TNRC6A: variants seen among roughly 807,000 people sequenced by gnomAD.
TNRC6A encodes the protein trinucleotide repeat-containing gene 6A protein.
In TNRC6A, 44 loss-of-function variants were observed where a neutral mutation model predicts 221.2. That is an observed-to-expected ratio of 0.20 (90% CI 0.16 to 0.26). The LOEUF (loss-of-function observed/expected upper bound fraction) is 0.26, where lower values mean the gene tolerates loss of function less well. Among genes scored for constraint, TNRC6A ranks in the 10% least tolerant of loss-of-function variants. The pLI is 1.00. For missense variants in TNRC6A, 2,199 were observed against 2,404.4 expected (o/e 0.91, Z 1.79); for synonymous variants, 847 against 838.5 (o/e 1.01, Z -0.18).
chr16:24,682,040 G>C (rs2055542136), intron 2 of TNRC6A, among the ~76,000 whole-genome samples: 1 of 152,166 alleles, frequency 6.6e-6, no homozygotes, highest in Non-Finnish European at 1.5e-5. Flanking sequence ...GATGTAAGTT[G>C]TGATAGGATA....
upstream of TNRC6A, among the ~76,000 whole-genome samples, chr16:24,727,445 G>A (rs187919501): frequency 8.5e-5 from 13 of 152,200 alleles, no homozygotes; most frequent in South Asian, 2.1e-4. Context: ...ACTGTCCTAC[G>A]CATCGTAGAA....
chr16:24,728,506 G>A (rs1460713391), upstream of TNRC6A, among the ~76,000 whole-genome samples: 2 of 151,894 alleles, frequency 1.3e-5, no homozygotes, highest in Non-Finnish European at 2.9e-5. Flanking sequence ...ACTTAGGTTA[G>A]AAAAAGGAGA....
At chr16:24,626,796 C>T (rs180959121) in intron 1 of TNRC6A, among the ~76,000 whole-genome samples, 1 of 151,522 alleles carries the variant, frequency 6.6e-6, no homozygotes, top group African/African-American at 2.4e-5. Context: ...ATTACAGGCA[C>T]CCACCACCAC....
Position 24,775,042 on chromosome 16 carries a change from G to A in TNRC6A, c.164-1891G>A, listed in dbSNP as rs150824655. Reference sequence around the variant, plus strand: ...GGGTGGGGCACACATGGATGTGGAGGGCTGCCTGTACTTTATCTTCCTTAG... The same window carrying A: ...GGGTGGGGCACACATGGATGTGGAGAGCTGCCTGTACTTTATCTTCCTTAG... On this transcript the variant is annotated intron_variant, in intron 4 of 24. Transcript: ENST00000395799. 3.8e-3 allele frequency among the ~76,000 whole-genome samples: 584 copies of A among 152,202 alleles called. 3 individuals carry two copies. The Middle Eastern group carries it at 0.044, about 12-fold the overall frequency.
intron 2 of TNRC6A, among the ~76,000 whole-genome samples, chr16:24,680,904 C>T (rs989293233): frequency 2.0e-5 from 3 of 151,574 alleles, no homozygotes; most frequent in Non-Finnish European, 2.9e-5. Flanking sequence ...AGACTACAGG[C>T]GTGCACAACC....
At chr16:24,811,937 A>G (rs2058551121) in intron 18 of TNRC6A, among the ~76,000 whole-genome samples, 1 of 150,380 alleles carries the variant, frequency 6.6e-6, no homozygotes, top group African/African-American at 2.4e-5. Flanking sequence ...ATTGTCGTGT[A>G]ATAGAAGGAA....
chr16:24,814,705 G>A (rs973521352), intron 18 of TNRC6A, among the ~76,000 whole-genome samples: 3 of 152,154 alleles, frequency 2.0e-5, no homozygotes, highest in South Asian at 4.2e-4. Context: ...GAGCCACCAC[G>A]CCTGGCCCCA....
intron 2 of TNRC6A, among the ~76,000 whole-genome samples, 191 bp downstream of exon 2, chr16:24,730,491 T>C (rs2056606526): frequency 6.7e-6 from 1 of 149,400 alleles, no homozygotes; most frequent in Non-Finnish European, 1.5e-5. Flanking sequence ...GTGTGTTTCT[T>C]TCTTTAAAAA....
chr16:24,715,077 C>T (rs192557178), intron 2 of TNRC6A, among the ~76,000 whole-genome samples: 3 of 150,602 alleles, frequency 2.0e-5, no homozygotes, highest in African/African-American at 2.4e-5. Context: ...GGGGTTTCAC[C>T]GTGTTAGCCA....
intron 2 of TNRC6A, among the ~76,000 whole-genome samples, chr16:24,669,872 C>G (rs1397482371): frequency 1.3e-5 from 2 of 148,982 alleles, no homozygotes; most frequent in Non-Finnish European, 3.0e-5. Context: ...ATTATATGAG[C>G]CAAGTATTAG....
At chr16:24,624,685 T>C (rs1567306041) in intron 1 of TNRC6A, among the ~76,000 whole-genome samples, 1 of 152,168 alleles carries the variant, frequency 6.6e-6, no homozygotes, top group Admixed American at 6.6e-5. Flanking sequence ...AGCTTCCCTA[T>C]GTTGCCCAGG....
At chr16:24,780,959 C>G (rs1306709159) in intron 5 of TNRC6A, among the ~76,000 whole-genome samples, 1 of 150,136 alleles carries the variant, frequency 6.7e-6, no homozygotes, top group Non-Finnish European at 1.5e-5. Flanking sequence ...CTACTACTTG[C>G]TTGCAACTTG....
intron 21 of TNRC6A, 36 bp from the exon 22 acceptor site, chr16:24,820,082 TTTCCTCCTTTCTTAAACATTA>T: frequency 6.7e-7 from 1 of 1,495,836 alleles, no homozygotes; most frequent in Non-Finnish European, 9.3e-7. Flanking sequence ...ATTATTTAAA[TTTCCTCCTTTCTTAAACATTA>T]TTCCTCCCCT....
chr16:24,693,174 G>A (rs2055789669), intron 2 of TNRC6A, among the ~76,000 whole-genome samples: 2 of 152,094 alleles, frequency 1.3e-5, no homozygotes, highest in South Asian at 4.1e-4. Context: ...CTCACGAGAA[G>A]AGGGTTGCAG....
chr16:24,722,965 T>C (rs1039038610), intron 2 of TNRC6A, among the ~76,000 whole-genome samples: 1 of 151,950 alleles, frequency 6.6e-6, no homozygotes, highest in Non-Finnish European at 1.5e-5. Context: ...AAGTGACTGG[T>C]GGTGTTATTA....
chr16:24,703,445 T>C (rs2142234826), intron 2 of TNRC6A, among the ~76,000 whole-genome samples: 1 of 152,210 alleles, frequency 6.6e-6, no homozygotes, highest in East Asian at 1.9e-4. Context: ...CTAGATATGG[T>C]AGTGCACATC....
chr16:24,672,698 C>T (rs2055331193), intron 2 of TNRC6A, among the ~76,000 whole-genome samples: 1 of 152,110 alleles, frequency 6.6e-6, no homozygotes, highest in Admixed American at 6.6e-5. Flanking sequence ...TCCACTTCAA[C>T]CTCCCAAAGT....
chr16:24,739,260 C>T (rs1000018929), intron 2 of TNRC6A, among the ~76,000 whole-genome samples: 8 of 152,160 alleles, frequency 5.3e-5, no homozygotes, highest in Non-Finnish European at 2.9e-5. Context: ...TTTTGATTTA[C>T]ATTTTCCTAA....
rs1010878546 is a variant in TNRC6A, at chr16:24,639,400, G to A, written n.277-1484G>A. 3.3e-5 allele frequency among the ~76,000 whole-genome samples: 5 copies of A among 152,210 alleles called. No homozygotes were observed. The East Asian group carries it at 9.7e-4, about 29-fold the overall frequency. On this transcript the variant is annotated intron_variant and non_coding_transcript_variant, in intron 1 of 2. Coordinates refer to the TNRC6A transcript ENST00000566108. ...CCCAGCCACTTAGGAAGCTGACGTA[G>A]GAGGATCTCTTGAACCCAGGAGTTG...
Sources: allele counts gnomAD v4.1 joint callset (sites outside exome capture counted in the v4.1 genomes callset), GRCh38; gene constraint gnomAD v4.1.1; transcripts MANE v1.5; gene names NCBI Gene and HGNC (gene_info 2026-07-23, HGNC 2026-07-21).